The following ASPHD1 variants were observed in gnomAD, a reference collection of about 807,000 sequenced individuals.
The protein encoded by ASPHD1 is aspartate beta-hydroxylase domain containing 1.
Under a neutral mutation model 28.3 loss-of-function variants are expected in ASPHD1, and 20 were observed. That is an observed-to-expected ratio of 0.71 (90% CI 0.50 to 1.03). ASPHD1 has a LOEUF of 1.03. ASPHD1 is among the 50% of genes least tolerant of loss of function. The pLI, the probability that ASPHD1 is intolerant of heterozygous loss-of-function variation, is 0.00. For missense variants in ASPHD1, 479 were observed against 524.1 expected (o/e 0.91, Z 0.84); for synonymous variants, 240 against 221.2 (o/e 1.08, Z -0.75).
chr16:29,902,009 T>G, intron 1 of ASPHD1, 89 bp downstream of exon 1: 3 of 1,099,380 alleles, frequency 2.7e-6, no homozygotes, highest in Non-Finnish European at 3.6e-6. Flanking sequence ...TGCTGTCTGG[T>G]TCTCATTGTG....
intron 1 of ASPHD1, among the ~76,000 whole-genome samples, chr16:29,903,810 T>C (rs912232940): frequency 6.6e-6 from 1 of 152,204 alleles, no homozygotes; most frequent in East Asian, 1.9e-4. Context: ...TTCCTCTGGG[T>C]TGGCTTCCTG....
intron 1 of ASPHD1, among the ~76,000 whole-genome samples, chr16:29,904,256 G>C (rs1371909286): frequency 1.3e-5 from 2 of 152,142 alleles, no homozygotes; most frequent in African/African-American, 4.8e-5. Flanking sequence ...GACCAGCCTG[G>C]CCAACATGGC....
At chr16:29,912,202 T>G in intron 3 of ASPHD1, 1 of 655,782 alleles carries the variant, frequency 1.5e-6, no homozygotes, top group Middle Eastern at 3.5e-4. Flanking sequence ...TCTCTGCCAC[T>G]CTCCCTTTGC....
Position 29,901,293 on chromosome 16 carries a change from G to C in ASPHD1, c.322G>C (p.Ala108Pro). 1 of 1,612,332 alleles carries C rather than the reference G, an allele frequency of 6.2e-7. No homozygotes were observed. The highest frequency in any genetic ancestry group is 8.5e-7 in the Non-Finnish European group (1 of 1,179,674). ...CTCCCAAGACATGCAGGCCCTAGGGGCTGGGAGCCGAGCTGGGGGTGTTCG... is the reference window on the plus strand; with the variant it reads ...CTCCCAAGACATGCAGGCCCTAGGGCCTGGGAGCCGAGCTGGGGGTGTTCG... ...LGSQDMQALG[A>P]GSRAGGVRGG... is the part of the protein sequence containing the mutation. The change falls in exon 1 of 3, where the codon GCT becomes CCT. Residue 108 changes from alanine to proline, a missense_variant. Coordinates refer to ENST00000308748, the MANE Select transcript of ASPHD1 (RefSeq NM_181718.4). The surrounding 1 kb of genome is among the most constrained non-coding windows in gnomAD (Gnocchi z 5.1).
intron 3 of ASPHD1, chr16:29,911,288 C>T (rs2068703898): frequency 3.7e-6 from 3 of 812,266 alleles, no homozygotes; most frequent in Non-Finnish European, 5.9e-6. Context: ...GGCTTTGGTG[C>T]TCAACAGAGA....
intron 3 of ASPHD1, chr16:29,911,603 C>T (rs963716122): frequency 1.7e-6 from 1 of 604,278 alleles, no homozygotes; most frequent in Non-Finnish European, 2.9e-6. Context: ...TCACTTTGTC[C>T]TCACCCAAAC....
At position 29,906,056 on chromosome 16, in the gene ASPHD1, A is replaced by T. The variant is rs1383912202; in HGVS notation, c.*159A>T. ...AATATAAATTCTGAATCCTCTCCTAACTCCCGACTACTTCCTTCGCAGGGA... is the reference window on the plus strand; with the variant it reads ...AATATAAATTCTGAATCCTCTCCTATCTCCCGACTACTTCCTTCGCAGGGA... On this transcript the variant is annotated 3_prime_UTR_variant, in exon 3 of 3. Coordinates refer to ENST00000308748, the MANE Select transcript of ASPHD1 (RefSeq NM_181718.4). 5 of 517,518 alleles carry T rather than the reference A, an allele frequency of 9.7e-6. No homozygotes were observed. In the Admixed American group the frequency reaches 1.8e-4, roughly 19 times the overall value. The allele number at this position is 517,518 out of a possible 1,614,324, so 32.1% of individuals were successfully genotyped here. A position where few individuals can be genotyped will look rare whatever the true frequency, so the allele number is the denominator to read the frequency against.
downstream of ASPHD1, chr16:29,906,344 CAACTT>C (rs1032206284): frequency 1.5e-5 from 3 of 204,726 alleles, no homozygotes; most frequent in Non-Finnish European, 3.0e-5. Flanking sequence ...ACCAGTTTCT[CAACTT>C]AACTTTATTT....
At chr16:29,915,722 G>A (rs947751825) in intron 3 of ASPHD1, among the ~76,000 whole-genome samples, 6 of 152,178 alleles carry the variant, frequency 3.9e-5, no homozygotes, top group Non-Finnish European at 5.9e-5. Flanking sequence ...TCTCAGAAGC[G>A]TGATTATTAT....
Position 29,904,973 on chromosome 16 carries a change from G to C in ASPHD1, c.1063+8G>C. 2 of 1,603,820 alleles carry C rather than the reference G, an allele frequency of 1.2e-6. No individual in the cohort carries two copies. The highest frequency in any genetic ancestry group is 1.7e-6 in the Non-Finnish European group (2 of 1,172,120). On this transcript the variant is annotated splice_region_variant and intron_variant, in intron 2 of 2. Coordinates refer to ENST00000308748, the MANE Select transcript of ASPHD1 (RefSeq NM_181718.4). The stretch of plus-strand genomic sequence containing the variant: ...ACACAGTGGCTCACAATGGTAACGG[G>C]GTGCCCATTCTGCAGGGGGGATGAG...
chr16:29,904,775 T>C, intron 1 of ASPHD1, 77 bp from the exon 2 acceptor site: 1 of 867,354 alleles, frequency 1.2e-6, no homozygotes, highest in Non-Finnish European at 1.8e-6. Flanking sequence ...CACTTAGAGC[T>C]AGTTGCTAAT....
downstream of ASPHD1, chr16:29,907,150 A>G: frequency 7.0e-7 from 1 of 1,432,066 alleles, no homozygotes; most frequent in Non-Finnish European, 9.7e-7. Flanking sequence ...CTTCTGGTGC[A>G]GTCACGCAGG....
chr16:29,905,990 T>TGGGGGGGGG lies in ASPHD1; in HGVS notation c.*96_*97insGGGGGGGGG. The stretch of plus-strand genomic sequence containing the variant: ...CAGGACCTCCTCTCTACTGCGGGGG[T>TGGGGGGGGG]GGGCGGGGGCGGAGGATGGGAACTG... On this transcript the variant is annotated 3_prime_UTR_variant, in exon 3 of 3. Coordinates refer to ENST00000308748, the MANE Select transcript of ASPHD1 (RefSeq NM_181718.4). The TGGGGGGGGG allele has an allele frequency of 4.7e-6, 2 of 428,264 alleles. No individual in the cohort carries two copies. Among genetic ancestry groups the TGGGGGGGGG allele is most frequent in the Non-Finnish European group, 8.9e-6 (2 of 224,716 alleles). 26.5% of individuals were successfully genotyped at this position (428,264 alleles called of 1,614,324 possible). A position where few individuals can be genotyped will look rare whatever the true frequency, so the allele number is the denominator to read the frequency against.
chr16:29,908,108 GAGA>G (rs1438839211), downstream of ASPHD1, among the ~76,000 whole-genome samples: 1 of 152,168 alleles, frequency 6.6e-6, no homozygotes, highest in Non-Finnish European at 1.5e-5. Flanking sequence ...AGGCCTCACT[GAGA>G]AGGTGATATT....
At chr16:29,907,059 A>G (rs1489340366), downstream of ASPHD1, 2 of 1,613,442 alleles carry the variant, frequency 1.2e-6, no homozygotes, top group Non-Finnish European at 1.7e-6. Context: ...AGTCTCGTAG[A>G]TGAGGATGTT....
chr16:29,910,997 G>A (rs918266476), downstream of ASPHD1: 6 of 1,613,862 alleles, frequency 3.7e-6, no homozygotes, highest in East Asian at 2.2e-5. Context: ...CTTCTTCTCC[G>A]TAGCATAGAC....
At chr16:29,910,786 G>A (rs1039144422), downstream of ASPHD1, among the ~76,000 whole-genome samples, 3 of 152,126 alleles carry the variant, frequency 2.0e-5, no homozygotes, top group Non-Finnish European at 4.4e-5. Flanking sequence ...GCTCTAACCC[G>A]TGACCCCCAT....
chr16:29,912,200 A>C, intron 3 of ASPHD1: 4 of 651,508 alleles, frequency 6.1e-6, no homozygotes, highest in Admixed American at 3.0e-5. Context: ...CCTCTCTGCC[A>C]CTCTCCCTTT....
chr16:29,910,345 C>T (rs917387124), downstream of ASPHD1, among the ~76,000 whole-genome samples: 7 of 151,984 alleles, frequency 4.6e-5, no homozygotes, highest in East Asian at 3.9e-4. Context: ...TTGCGGTGAG[C>T]GGAGATTGTG....
Sources: gnomAD v4.1 joint callset for allele counts (sites outside exome capture counted in the v4.1 genomes callset) on GRCh38, gnomAD v4.1.1 for gene constraint, Gnocchi (gnomAD v3.1) non-coding constraint, MANE v1.5 for transcripts, NCBI Gene and HGNC (gene_info 2026-07-23, HGNC 2026-07-21) for gene names.